GARRE1: variants seen among roughly 807,000 people sequenced by gnomAD.
The protein encoded by GARRE1 is granule associated Rac and RHOG effector 1.
GARRE1 carries 49 observed loss-of-function variants against 103.2 expected under a neutral mutation model. The ratio of observed to expected loss-of-function variants is 0.47; its 90% CI spans 0.38 to 0.60. GARRE1 has a LOEUF of 0.60. Ranked by LOEUF, GARRE1 falls within the 20% of genes least tolerant of loss-of-function variation. GARRE1 has a pLI of 0.00. For missense variants in GARRE1, 1,199 were observed against 1,370.5 expected (o/e 0.87, Z 1.98); for synonymous variants, 505 against 532.8 (o/e 0.95, Z 0.72).
At chr19:34,262,315 T>TTTGTGG (rs1180314605) in intron 1 of GARRE1, among the ~76,000 whole-genome samples, 1 of 143,836 alleles carries the variant, frequency 7.0e-6, no homozygotes, top group Non-Finnish European at 1.5e-5. Context: ...TTTTTTTTTT[T>TTTGTGG]GAGGCGGAGT....
intron 12 of GARRE1, among the ~76,000 whole-genome samples, chr19:34,349,974 A>C (rs1485854835): frequency 6.6e-6 from 1 of 152,174 alleles, no homozygotes; most frequent in Non-Finnish European, 1.5e-5. Context: ...TGGGAGGATC[A>C]CTTGAGCCTG....
chr19:34,351,442 C>T, intron 12 of GARRE1, 72 bp from the exon 13 acceptor site: 1 of 1,164,496 alleles, frequency 8.6e-7, no homozygotes, highest in South Asian at 1.2e-5. Flanking sequence ...GAGCCTAGCA[C>T]TAGTGTGTAC....
At position 34,299,986 on chromosome 19, in the gene GARRE1, G is replaced by T. The variant is rs906555947; in HGVS notation, c.-488G>T. The T allele has an allele frequency of 6.6e-6, 1 of 152,612 alleles. No homozygotes were observed. The highest frequency in any genetic ancestry group is 1.5e-5 in the Non-Finnish European group (1 of 68,350). The allele number at this position is 152,612 out of a possible 1,614,324, so 9.5% of individuals were successfully genotyped here. On this transcript the variant is annotated 5_prime_UTR_variant, in exon 2 of 14. It adds an upstream start codon to the 5' untranslated region. Coordinates refer to ENST00000299505, the MANE Select transcript of GARRE1 (RefSeq NM_014686.5). ...GCAGAAGTTTGATCTTCCTTCTTAA[G>T]GACTTTGTGTGAAGTAATTCTTTAC...
chr19:34,259,021 A>G (rs948128949), intron 1 of GARRE1, among the ~76,000 whole-genome samples: 2 of 152,136 alleles, frequency 1.3e-5, no homozygotes, highest in Admixed American at 6.6e-5. Flanking sequence ...CTCCAAAATT[A>G]TCTAGGTGTG....
chr19:34,343,163 G>A (rs975953473), intron 10 of GARRE1, among the ~76,000 whole-genome samples: 16 of 152,136 alleles, frequency 1.1e-4, no homozygotes, highest in Non-Finnish European at 1.9e-4. Flanking sequence ...AAATAGAAAG[G>A]ATACATTAAA....
chr19:34,346,962 C>G (rs2074214243), intron 10 of GARRE1, among the ~76,000 whole-genome samples: 1 of 152,034 alleles, frequency 6.6e-6, no homozygotes, highest in Non-Finnish European at 1.5e-5. Context: ...CTAGCTCTGT[C>G]TCTCAGGCTG....
chr19:34,295,370 AG>A (rs2145235710), intron 1 of GARRE1, among the ~76,000 whole-genome samples: 1 of 152,306 alleles, frequency 6.6e-6, no homozygotes, highest in Admixed American at 6.5e-5. Flanking sequence ...GTTCTGAAAA[AG>A]GTGATTCTAT....
chr19:34,300,327 A>T lies in GARRE1; in HGVS notation c.-147A>T. On this transcript the variant is annotated 5_prime_UTR_variant, in exon 2 of 14. Coordinates refer to ENST00000299505, the MANE Select transcript of GARRE1 (RefSeq NM_014686.5). ...CTGTTGTCTCTCACCTCTACATTGG[A>T]TCACATGGTCACCTGCCTCATGGAA... The T allele has an allele frequency of 1.2e-6, 1 of 801,962 alleles. No individual in the cohort carries two copies. The highest frequency in any genetic ancestry group is 1.9e-6 in the Non-Finnish European group (1 of 515,152). The allele number at this position is 801,962 out of a possible 1,614,324, so 49.7% of individuals were successfully genotyped here.
chr19:34,257,516 T>TC (rs2073681969), intron 1 of GARRE1, among the ~76,000 whole-genome samples: 1 of 152,156 alleles, frequency 6.6e-6, no homozygotes, highest in Admixed American at 6.5e-5. Context: ...CACTCTTTTT[T>TC]CCTCCTGTAA....
At chr19:34,271,245 C>CT (rs1199086211) in intron 1 of GARRE1, among the ~76,000 whole-genome samples, 1,945 of 105,650 alleles carry the variant, frequency 0.018, 30 homozygotes, top group African/African-American at 0.03. Flanking sequence ...TGTGCACTTT[C>CT]TTTTTTTTTT....
At chr19:34,315,167 ATGAACT>A (rs1457581410) in intron 2 of GARRE1, among the ~76,000 whole-genome samples, 1 of 152,226 alleles carries the variant, frequency 6.6e-6, no homozygotes. Flanking sequence ...TATGAAAAAG[ATGAACT>A]TGAGTTCATG....
chr19:34,270,660 AT>A (rs1388559229), intron 1 of GARRE1, among the ~76,000 whole-genome samples: 1 of 152,134 alleles, frequency 6.6e-6, no homozygotes, highest in East Asian at 1.9e-4. Flanking sequence ...TAAACGACTT[AT>A]TTAGCATTTA....
chr19:34,347,670 C>T (rs537685121), intron 10 of GARRE1, among the ~76,000 whole-genome samples: 2 of 152,362 alleles, frequency 1.3e-5, no homozygotes, highest in African/African-American at 4.8e-5. Context: ...CCCTGGCACA[C>T]ACCATGCCTC....
At chr19:34,301,092 C>G (rs2073976568) in intron 2 of GARRE1, 124 bp downstream of exon 2, 11 of 1,050,972 alleles carry the variant, frequency 1.0e-5, no homozygotes, top group Admixed American at 2.6e-5. Context: ...TGTTGGTACT[C>G]TGTCTTTGTA....
At chr19:34,265,132 A>G (rs2073743811) in intron 1 of GARRE1, among the ~76,000 whole-genome samples, 1 of 152,230 alleles carries the variant, frequency 6.6e-6, no homozygotes, top group Admixed American at 6.5e-5. Context: ...TTTCTTACTA[A>G]AAATGATTTT....
chr19:34,280,003 A>AG lies in GARRE1; in HGVS notation c.-795-19676_-795-19675insG, dbSNP rs377227146. 1.9e-3 allele frequency among the ~76,000 whole-genome samples: 286 copies of AG among 147,352 alleles called. 6 individuals carry two copies. The highest frequency in any genetic ancestry group is 3.9e-3 in the Admixed American group (57 of 14,684). ...CCGTCTCAAAAAAAAAAAAAAAAAA[A>AG]AAAAGTGGTTTAATTGGCTGTACAG... On this transcript the variant is annotated intron_variant, in intron 1 of 13. Transcript: ENST00000299505.
rs142786984 is a variant in GARRE1, at chr19:34,353,421, C to CT, written c.*475dup. On this transcript the variant is annotated 3_prime_UTR_variant, in exon 14 of 14. Coordinates refer to ENST00000299505, the MANE Select transcript of GARRE1 (RefSeq NM_014686.5). ...CCACACCAATCACTGTATTTTATAGCTTTTTTTTTCATGTAGGTTTTTAGT... is the reference window on the plus strand; with the variant it reads ...CCACACCAATCACTGTATTTTATAGCTTTTTTTTTTCATGTAGGTTTTTAGT... The CT allele has an allele frequency of 0.012, 1,995 of 166,440 alleles. 49 individuals are homozygous for CT. Among genetic ancestry groups the CT allele is most frequent in the African/African-American group, 0.043 (1,786 of 41,938 alleles). 10.3% of individuals were successfully genotyped at this position (166,440 alleles called of 1,614,324 possible). A position where few individuals can be genotyped will look rare whatever the true frequency, so the allele number is the denominator to read the frequency against.
chr19:34,325,679 A>G (rs1009076847), intron 3 of GARRE1, among the ~76,000 whole-genome samples: 2 of 151,980 alleles, frequency 1.3e-5, no homozygotes, highest in Non-Finnish European at 2.9e-5. Flanking sequence ...GTCGCTTCTC[A>G]TTTCCTTAGG....
chr19:34,345,266 T>C (rs1389787649), intron 10 of GARRE1, among the ~76,000 whole-genome samples: 1 of 152,224 alleles, frequency 6.6e-6, no homozygotes, highest in Non-Finnish European at 1.5e-5. Flanking sequence ...GCTCATGTCT[T>C]CTGAAAATTC....
Sources: gnomAD v4.1 joint callset for allele counts (sites outside exome capture counted in the v4.1 genomes callset) on GRCh38, gnomAD v4.1.1 for gene constraint, MANE v1.5 for transcripts, NCBI Gene and HGNC (gene_info 2026-07-23, HGNC 2026-07-21) for gene names.